ADGRF5: variants seen among roughly 807,000 people sequenced by gnomAD.
ADGRF5 encodes adhesion G protein-coupled receptor F5, also known as G-protein coupled receptor 116.
Under a neutral mutation model 132.3 loss-of-function variants are expected in ADGRF5, and 75 were observed. The ratio of observed to expected loss-of-function variants is 0.57; its 90% CI spans 0.47 to 0.69. ADGRF5 has a LOEUF of 0.69. Ranked by LOEUF, ADGRF5 falls within the 30% of genes least tolerant of loss-of-function variation. ADGRF5 has a pLI of 0.00. For missense variants in ADGRF5, 1,516 were observed against 1,630.6 expected (o/e 0.93, Z 1.21); for synonymous variants, 629 against 597.6 (o/e 1.05, Z -0.77).
At chr6:46,855,888 G>A (rs1033331984) in intron 20 of ADGRF5, 86 bp downstream of exon 20, 32 of 757,696 alleles carry the variant, frequency 4.2e-5, no homozygotes, top group South Asian at 5.9e-5. Flanking sequence ...TGCCATGAGC[G>A]GGGTGAAAGA....
intron 1 of ADGRF5, among the ~76,000 whole-genome samples, chr6:46,941,422 A>G (rs1778061279): frequency 1.6e-5 from 1 of 61,568 alleles, no homozygotes; most frequent in Non-Finnish European, 3.1e-5. Flanking sequence ...AAAAGAAAAG[A>G]AAAGAAAAGA....
In ADGRF5 at chr6:46,906,753, G is replaced by T; in HGVS notation, c.10C>A (p.Pro4Thr). 1 of 1,579,752 alleles carries T rather than the reference G, an allele frequency of 6.3e-7. No individual in the cohort carries two copies. Among genetic ancestry groups the T allele is most frequent in the Non-Finnish European group, 8.7e-7 (1 of 1,148,934 alleles). ...ATGAGGCACAAAGTGGTTCTCCTTG[G>T]GGATTTCATGTCTTCAAGTTTGAGT... Reference protein sequence around the residue: MKSPRRTTLCLMFI... With the variant: MKSTRRTTLCLMFI... The change falls in exon 2 of 21, where the codon CCA (proline) becomes ACA (threonine). Residue 4 changes from proline to threonine, a missense_variant. Physicochemically the swap from Pro to Thr is conservative, Grantham distance 38 (BLOSUM62 -1). Transcript: ENST00000283296.
Position 46,859,305 on chromosome 6 carries a change from A to G in ADGRF5, c.2598T>C (p.Tyr866=), listed in dbSNP as rs748941102. The change falls in exon 17 of 21, where the codon TAT becomes TAC. Residue 866 remains tyrosine, a synonymous_variant. Transcript: ENST00000283296. ...AGTATGGGAAAACAAACCTCTGTTG[A>G]TAGGTTTCTGGGTGGCTGGACTTGA... ...MVIKSSHPET[Y]QQRFVFPYFD... is the part of the protein sequence containing the mutation. The G allele has an allele frequency of 1.9e-6, 3 of 1,613,958 alleles. No homozygotes were observed. Among genetic ancestry groups the G allele is most frequent in the South Asian group, 2.2e-5 (2 of 91,072 alleles).
At chr6:46,893,191 T>C (rs3065) in intron 3 of ADGRF5, among the ~76,000 whole-genome samples, 1 of 151,338 alleles carries the variant, frequency 6.6e-6, no homozygotes, top group Non-Finnish European at 1.5e-5. Context: ...ACTCTAGGAA[T>C]AGTAAACAGG....
chr6:46,858,171 G>A lies in ADGRF5; in HGVS notation c.3732C>T (p.Asn1244=), dbSNP rs1254861533. 1 of 1,614,058 alleles carries A rather than the reference G, an allele frequency of 6.2e-7. No homozygotes were observed. Residue 1244 remains asparagine (N), a synonymous_variant, in exon 17 of 21, where the codon AAC becomes AAT. Transcript: ENST00000283296. ...TGGCAAATATGATATGGAACACAAGGTTGGTCCCTGGGAACACAGTGGTGA... is the reference window on the plus strand; with the variant it reads ...TGGCAAATATGATATGGAACACAAGATTGGTCCCTGGGAACACAGTGGTGA... ...FGLTTVFPGT[N]LVFHIIFAIL...
intron 1 of ADGRF5, among the ~76,000 whole-genome samples, chr6:46,950,344 C>T (rs576864511): frequency 1.3e-5 from 2 of 152,234 alleles, no homozygotes; most frequent in East Asian, 3.9e-4. Flanking sequence ...TTCCCTTTTC[C>T]CACACAGAGC....
At chr6:46,865,317 C>A in intron 13 of ADGRF5, 120 bp from the exon 14 acceptor site, 1 of 675,648 alleles carries the variant, frequency 1.5e-6, no homozygotes, top group Non-Finnish European at 2.5e-6. Context: ...GTGCCACATT[C>A]ATTTTTAACA....
chr6:46,939,670 T>C (rs940362162), intron 1 of ADGRF5, among the ~76,000 whole-genome samples: 19 of 152,202 alleles, frequency 1.2e-4, no homozygotes, highest in African/African-American at 4.6e-4. Context: ...ATTTTGTTTG[T>C]GAGGACATGG....
At chr6:46,954,150 G>A (rs1263181086) in intron 1 of ADGRF5, among the ~76,000 whole-genome samples, 1 of 151,774 alleles carries the variant, frequency 6.6e-6, no homozygotes, top group Non-Finnish European at 1.5e-5. Flanking sequence ...GTCACTACTG[G>A]TATTGAATTT....
chr6:46,954,435 CA>C lies in ADGRF5; in HGVS notation c.-25+298del, dbSNP rs67742847. On this transcript the variant is annotated intron_variant, in intron 1 of 20. Coordinates refer to the ADGRF5 transcript ENST00000265417. ...TAAAAATTACCCCTTATGCAGAAGC[CA>C]AAAAAAAAAAAAAACTACTTCTAAT... Among the ~76,000 whole-genome samples the C allele has an allele frequency of 9.4e-3, 895 of 95,650 alleles. 6 individuals are homozygous for C. Among genetic ancestry groups the C allele is most frequent in the South Asian group, 0.038 (106 of 2,754 alleles). 62.8% of individuals were successfully genotyped at this position (95,650 alleles called of 152,430 possible).
upstream of ADGRF5, among the ~76,000 whole-genome samples, chr6:46,924,447 T>C (rs1481295664): frequency 6.6e-6 from 1 of 152,210 alleles, no homozygotes; most frequent in African/African-American, 2.4e-5. Flanking sequence ...CTGCATTTCA[T>C]TTTCCATTGC....
At chr6:46,880,065 A>G in intron 8 of ADGRF5, 26 bp from the exon 9 acceptor site, 1 of 1,515,928 alleles carries the variant, frequency 6.6e-7, no homozygotes, top group Non-Finnish European at 9.2e-7. Context: ...AAAGTTAATA[A>G]GATCCCAAAG....
At chr6:46,928,564 C>T (rs1777375935) in intron 1 of ADGRF5, among the ~76,000 whole-genome samples, 3 of 152,128 alleles carry the variant, frequency 2.0e-5, no homozygotes, top group South Asian at 4.1e-4. Flanking sequence ...TCCCTTCTTC[C>T]CTGTAATCTC....
chr6:46,867,968 A>G (rs764228170), intron 12 of ADGRF5, among the ~76,000 whole-genome samples: 3 of 152,204 alleles, frequency 2.0e-5, no homozygotes, highest in Non-Finnish European at 2.9e-5. Context: ...AATTGGACAG[A>G]GCAGGATTGA....
At chr6:46,897,143 T>TACACACAC (rs780714315) in intron 3 of ADGRF5, among the ~76,000 whole-genome samples, 4 of 123,502 alleles carry the variant, frequency 3.2e-5, no homozygotes, top group African/African-American at 1.9e-4. Flanking sequence ...CATGCATATA[T>TACACACAC]ATACACACAC....
chr6:46,910,007 CAATAAAATAA>C (rs3030416), intron 1 of ADGRF5, among the ~76,000 whole-genome samples: 56,025 of 148,422 alleles, frequency 0.38, 12,631 homozygotes, highest in Non-Finnish European at 0.5. Flanking sequence ...CCCTATCTCT[CAATAAAATAA>C]AATAAAATAA....
chr6:46,883,856 C>T (rs142254154), intron 5 of ADGRF5, among the ~76,000 whole-genome samples, 191 bp from the exon 6 acceptor site: 1,720 of 152,306 alleles, frequency 0.011, 41 homozygotes, highest in African/African-American at 0.039. Flanking sequence ...ATGCTCCTGC[C>T]TCACCCTCCC....
chr6:46,894,028 A>C (rs2150868148), intron 3 of ADGRF5, among the ~76,000 whole-genome samples: 1 of 152,344 alleles, frequency 6.6e-6, no homozygotes, highest in South Asian at 2.1e-4. Context: ...GCCAGAGCTT[A>C]AGTAGATGGG....
At chr6:46,933,012 A>C (rs1777637094) in intron 1 of ADGRF5, among the ~76,000 whole-genome samples, 1 of 152,204 alleles carries the variant, frequency 6.6e-6, no homozygotes, top group Admixed American at 6.5e-5. Flanking sequence ...AAATAAGATC[A>C]CTGAGGAGAA....
Sources: gnomAD v4.1 joint callset for allele counts (sites outside exome capture counted in the v4.1 genomes callset) on GRCh38, gnomAD v4.1.1 for gene constraint, MANE v1.5 for transcripts, NCBI Gene and HGNC (gene_info 2026-07-23, HGNC 2026-07-21) for gene names.